Variants in DYM observed in about 807,000 individuals in gnomAD.
The protein encoded by DYM is dyggve-Melchior-Clausen syndrome protein.
DYM carries 78 observed loss-of-function variants against 93.1 expected under a neutral mutation model. The ratio of observed to expected loss-of-function variants is 0.84; its 90% confidence interval spans 0.70 to 1.01. The LOEUF (loss-of-function observed/expected upper bound fraction) is 1.01. DYM is among the 50% of genes least tolerant of loss of function. The probability of loss-of-function intolerance (pLI) is 0.00; values close to 1 mark genes in which losing one functional copy is unlikely to be tolerated. For missense variants in DYM, 789 were observed against 845.0 expected, an observed-to-expected ratio of 0.93 and a Z score of 0.82; for synonymous variants, 321 against 319.7, an observed-to-expected ratio of 1.00 and a Z score of -0.04.
At chr18:49,161,255 C>G (rs1358831262) in intron 15 of DYM, among the ~76,000 whole-genome samples, 1 of 152,168 alleles carries the variant, frequency 6.6e-6, no homozygotes, top group Admixed American at 6.5e-5. Context: ...GCAGAATTCA[C>G]AGGACTGTTA....
chr18:49,042,867 G>C lies in DYM; in HGVS notation c.*1188C>G, dbSNP rs912903166. 1.3e-5 allele frequency: 2 copies of C among 152,250 alleles called. No individual in the cohort carries two copies. The highest frequency in any genetic ancestry group is 4.8e-5 in the African/African-American group (2 of 41,508). The allele number at this position is 152,250 out of a possible 1,614,324, so 9.4% of individuals were successfully genotyped here. ...CAGGCACCAACACACGGATCACACC[G>C]GCCCAGAAACAAAGAGCAAAACATG... On this transcript the variant is annotated 3_prime_UTR_variant, in exon 18 of 18. Coordinates refer to ENST00000675505, the MANE Select transcript of DYM (RefSeq NM_001353214.3).
chr18:49,289,808 T>TACACACATATATATATATATAC (rs372719999), intron 8 of DYM, among the ~76,000 whole-genome samples: 2 of 126,996 alleles, frequency 1.6e-5, no homozygotes, highest in Non-Finnish European at 3.2e-5. Context: ...TATATATATA[T>TACACACATATATATATATATAC]ACACATATAT....
chr18:49,068,425 T>A (rs1042370060), intron 17 of DYM, among the ~76,000 whole-genome samples: 1 of 152,264 alleles, frequency 6.6e-6, no homozygotes, highest in African/African-American at 2.4e-5. Flanking sequence ...GGTTCCTTCA[T>A]ACCTTTCTTT....
intron 13 of DYM, among the ~76,000 whole-genome samples, chr18:49,246,530 C>G (rs112984560): frequency 0.013 from 2,012 of 149,306 alleles, 47 homozygotes; most frequent in African/African-American, 0.048. Context: ...GGGAAAAATA[C>G]TAGGCTATGA....
intron 2 of DYM, among the ~76,000 whole-genome samples, chr18:49,392,681 TAAAAAAAAAAAAAAAAAA>T (rs869086187): frequency 2.9e-5 from 2 of 68,470 alleles, no homozygotes; most frequent in Admixed American, 4.6e-4. Context: ...GGCTTTTATT[TAAAAAAAAAAAAAAAAAA>T]AAAAAAAAAA....
chr18:49,432,756 G>C (rs2080456513), intron 1 of DYM, among the ~76,000 whole-genome samples: 1 of 151,918 alleles, frequency 6.6e-6, no homozygotes, highest in Non-Finnish European at 1.5e-5. Flanking sequence ...GGAACTACAG[G>C]TACATGCCAC....
intron 2 of DYM, among the ~76,000 whole-genome samples, chr18:49,409,051 G>A (rs188218444): frequency 1.7e-4 from 26 of 152,192 alleles, no homozygotes; most frequent in East Asian, 7.7e-4. Context: ...CTGGGAGGCC[G>A]AGGCAGGTGG....
chr18:49,426,032 A>C (rs893143576), intron 2 of DYM, among the ~76,000 whole-genome samples: 1 of 152,132 alleles, frequency 6.6e-6, no homozygotes, highest in Non-Finnish European at 1.5e-5. Flanking sequence ...TTGACCCAGA[A>C]ATCCCATTAC....
chr18:49,243,812 T>C (rs1331584778), intron 13 of DYM, among the ~76,000 whole-genome samples: 1 of 152,198 alleles, frequency 6.6e-6, no homozygotes, highest in Non-Finnish European at 1.5e-5. Flanking sequence ...TGAAGGTCTC[T>C]GATTGGCTTA....
At chr18:49,454,298 C>A (rs1335122720) in intron 1 of DYM, among the ~76,000 whole-genome samples, 2 of 152,160 alleles carry the variant, frequency 1.3e-5, no homozygotes, top group African/African-American at 4.8e-5. Flanking sequence ...TAAGGCTGTT[C>A]TTTTTAATGA....
At chr18:49,328,210 T>C (rs2063043803) in intron 8 of DYM, among the ~76,000 whole-genome samples, 1 of 152,208 alleles carries the variant, frequency 6.6e-6, no homozygotes, top group Non-Finnish European at 1.5e-5. Context: ...TTTTATTGTA[T>C]GTGGAGCCAA....
chr18:49,080,432 G>C (rs1236275844), intron 17 of DYM, among the ~76,000 whole-genome samples: 1 of 131,402 alleles, frequency 7.6e-6, no homozygotes, highest in African/African-American at 2.9e-5. Flanking sequence ...GCCCGGCAGA[G>C]GGGCTCCTCA....
chr18:49,317,287 A>G (rs748840312), intron 8 of DYM, among the ~76,000 whole-genome samples: 5 of 152,236 alleles, frequency 3.3e-5, no homozygotes, highest in Non-Finnish European at 7.3e-5. Flanking sequence ...AAAGAGAATG[A>G]TAGTGGAGCC....
At chr18:49,433,342 A>G (rs1484429775) in intron 1 of DYM, among the ~76,000 whole-genome samples, 2 of 152,232 alleles carry the variant, frequency 1.3e-5, no homozygotes. Flanking sequence ...TATTCAAGAA[A>G]GGTCATGTAA....
At chr18:49,288,384 T>G (rs2059800627) in intron 8 of DYM, among the ~76,000 whole-genome samples, 1 of 152,206 alleles carries the variant, frequency 6.6e-6, no homozygotes, top group Non-Finnish European at 1.5e-5. Flanking sequence ...AAAATAGAGA[T>G]GATCTTTAGG....
chr18:49,264,940 C>G (rs1276187109), intron 11 of DYM, among the ~76,000 whole-genome samples: 1 of 152,124 alleles, frequency 6.6e-6, no homozygotes, highest in Non-Finnish European at 1.5e-5. Context: ...AAACTAGGAG[C>G]TATACTACAA....
intron 8 of DYM, among the ~76,000 whole-genome samples, chr18:49,290,758 T>C (rs1333055601): frequency 1.3e-5 from 2 of 152,264 alleles, no homozygotes; most frequent in East Asian, 3.9e-4. Flanking sequence ...GGGTCCACTG[T>C]AGACAGTGGT....
At chr18:49,350,496 A>C in intron 6 of DYM, among the ~76,000 whole-genome samples, 1 of 152,256 alleles carries the variant, frequency 6.6e-6, no homozygotes, top group East Asian at 1.9e-4. Context: ...TCACGAGGTC[A>C]GGAGTTTGAG....
intron 1 of DYM, among the ~76,000 whole-genome samples, chr18:49,458,206 TAAGA>T (rs759470185): frequency 1.5e-4 from 23 of 152,318 alleles, no homozygotes; most frequent in African/African-American, 4.6e-4. Context: ...TGGAGCAATA[TAAGA>T]AAGAGCCATT....
Sources: allele counts gnomAD v4.1 joint callset (sites outside exome capture counted in the v4.1 genomes callset), GRCh38; gene constraint gnomAD v4.1.1; transcripts MANE v1.5; gene names NCBI Gene and HGNC (gene_info 2026-07-23, HGNC 2026-07-21).